Variants in DNAH17 observed in about 807,000 individuals in gnomAD.
DNAH17 encodes the protein axonemal beta dynein heavy chain 17.
A neutral mutation model predicts 485.6 loss-of-function variants in DNAH17; 376 were observed. The ratio of observed to expected loss-of-function variants is 0.77; its 90% CI spans 0.71 to 0.84. The LOEUF (loss-of-function observed/expected upper bound fraction) is 0.84. Ranked by LOEUF, DNAH17 falls within the 40% of genes least tolerant of loss-of-function variation. The pLI is 0.00. For synonymous variants in DNAH17, 3,031 were observed against 2,405.9 expected, an observed-to-expected ratio of 1.26 and a Z score of -7.60; for missense variants, 6,370 against 5,839.3, an observed-to-expected ratio of 1.09 and a Z score of -2.96.
At chr17:78,505,922 G>C (rs2090470368) in intron 30 of DNAH17, among the ~76,000 whole-genome samples, 1 of 152,068 alleles carries the variant, frequency 6.6e-6, no homozygotes, top group African/African-American at 2.4e-5. Context: ...AGGTTGTGGT[G>C]AGCCGAGATC....
chr17:78,468,014 C>A (rs2088559607), intron 55 of DNAH17, among the ~76,000 whole-genome samples: 1 of 88,942 alleles, frequency 1.1e-5, no homozygotes. Context: ...GAAACTCCAT[C>A]TCAAAAAAAA....
chr17:78,474,657 T>A (rs1268854890), intron 54 of DNAH17, among the ~76,000 whole-genome samples: 2 of 152,036 alleles, frequency 1.3e-5, no homozygotes, highest in African/African-American at 4.8e-5. Context: ...CATCGAGTAG[T>A]TGACAGACAC....
chr17:78,516,796 T>A (rs1025513195), intron 25 of DNAH17, among the ~76,000 whole-genome samples: 1 of 152,046 alleles, frequency 6.6e-6, no homozygotes, highest in Non-Finnish European at 1.5e-5. Flanking sequence ...AAGGCCTGGC[T>A]GTAATAAAGC....
intron 34 of DNAH17, 34 bp downstream of exon 34, chr17:78,501,708 C>T (rs2090297583): frequency 6.2e-7 from 1 of 1,605,880 alleles, no homozygotes; most frequent in Non-Finnish European, 8.5e-7. Flanking sequence ...TCCCCTTGCC[C>T]TTCCCCTGGC....
chr17:78,510,358 C>A, intron 27 of DNAH17, 26 bp downstream of exon 27: 2 of 1,609,606 alleles, frequency 1.2e-6, no homozygotes, highest in Non-Finnish European at 8.5e-7. Flanking sequence ...CCACGTTGCA[C>A]AGACAGCACC....
chr17:78,500,277 G>A, intron 36 of DNAH17, 28 bp downstream of exon 36: 2 of 1,590,310 alleles, frequency 1.3e-6, no homozygotes, highest in Non-Finnish European at 1.7e-6. Flanking sequence ...AAGACTCTGG[G>A]TCCCTCCTCC....
chr17:78,466,450 TTA>T (rs2088461512), intron 56 of DNAH17, among the ~76,000 whole-genome samples: 1 of 151,752 alleles, frequency 6.6e-6, no homozygotes, highest in African/African-American at 2.4e-5. Flanking sequence ...AATAAATAAA[TTA>T]AAAAAAAATA....
chr17:78,440,503 G>A (rs373371436), intron 72 of DNAH17, among the ~76,000 whole-genome samples: 6 of 151,736 alleles, frequency 4.0e-5, no homozygotes, highest in Middle Eastern at 3.4e-3. Flanking sequence ...CAAGCGATCC[G>A]CCCACCCTGG....
rs542023398 is a variant in DNAH17, at chr17:78,571,863, CCCA to C, written c.540-84_540-82del. On this transcript the variant is annotated intron_variant, in intron 3 of 80. Coordinates refer to ENST00000389840, the MANE Select transcript of DNAH17 (RefSeq NM_173628.4). The stretch of plus-strand genomic sequence containing the variant: ...CCAAGCTCTCCCATGAATCCTTCTG[CCCA>C]CCAATCCCAAACCACCAGCAGCAGC... 27 of 1,344,030 alleles carry C rather than the reference CCCA, an allele frequency of 2.0e-5. No homozygotes were observed. The South Asian group carries it at 3.6e-4, about 18-fold the overall frequency. 83.3% of individuals were successfully genotyped at this position (1,344,030 alleles called of 1,614,324 possible).
chr17:78,519,848 G>A (rs1219978424), intron 25 of DNAH17, among the ~76,000 whole-genome samples: 8 of 152,166 alleles, frequency 5.3e-5, no homozygotes, highest in East Asian at 1.9e-4. Flanking sequence ...GGTGGCTCAC[G>A]CCTGTAATCC....
At chr17:78,424,323 C>G in intron 80 of DNAH17, 170 bp from the exon 81 acceptor site, 1 of 774,274 alleles carries the variant, frequency 1.3e-6, no homozygotes, top group Non-Finnish European at 2.0e-6. Flanking sequence ...TAGGTGATGG[C>G]CTGCATGTTG....
chr17:78,551,995 A>G (rs1015808688), intron 15 of DNAH17, among the ~76,000 whole-genome samples: 1 of 152,116 alleles, frequency 6.6e-6, no homozygotes, highest in Admixed American at 6.5e-5. Flanking sequence ...AGCAGGATGA[A>G]AACTTTTCTT....
Position 78,479,598 on chromosome 17 carries a change from C to T in DNAH17, c.7787G>A (p.Gly2596Asp). The T allele has an allele frequency of 5.0e-6, 8 of 1,613,374 alleles. No homozygotes were observed. The highest frequency in any genetic ancestry group is 8.5e-7 in the Non-Finnish European group (1 of 1,179,812). The change falls in exon 50 of 81, where the codon GGC (glycine) becomes GAC (aspartate). Residue 2596 changes from glycine (G) to aspartate (D), a missense_variant. Coordinates refer to ENST00000389840, the MANE Select transcript of DNAH17 (RefSeq NM_173628.4). ...HFCVFAVSFP[G>D]QEALTTIYNT... ...GTAGATGGTGGTGAGGGCCTCCTGG[C>T]CGGGGAAGCTCACAGCAAACACGCA...
At chr17:78,426,393 G>T (rs778573610) in intron 79 of DNAH17, 64 bp downstream of exon 79, 2 of 1,490,898 alleles carry the variant, frequency 1.3e-6, no homozygotes, top group African/African-American at 1.4e-5. Context: ...GGTGTGGGGT[G>T]TGCCGAGCTC....
At position 78,446,845 on chromosome 17, in the gene DNAH17, T is replaced by C. The variant is rs143917803; in HGVS notation, c.11212-1165A>G. Reference sequence around the variant, plus strand: ...TTTTTGTAGAGACAGGGTTTCACCGTGTTGGCCAGGCTGGTCTTGAACTAC... The same window carrying C: ...TTTTTGTAGAGACAGGGTTTCACCGCGTTGGCCAGGCTGGTCTTGAACTAC... On this transcript the variant is annotated intron_variant, in intron 69 of 80. Coordinates refer to ENST00000389840, the MANE Select transcript of DNAH17 (RefSeq NM_173628.4). Among the ~76,000 whole-genome samples the C allele has an allele frequency of 6.6e-3, 1,008 of 152,240 alleles. 7 individuals are homozygous for C. The highest frequency in any genetic ancestry group is 8.0e-3 in the Non-Finnish European group (545 of 68,018).
intron 19 of DNAH17, among the ~76,000 whole-genome samples, chr17:78,535,151 G>T (rs865973821): frequency 6.6e-6 from 1 of 152,186 alleles, no homozygotes; most frequent in African/African-American, 2.4e-5. Context: ...GAGCCCAGGG[G>T]TGGAGCAGCT....
chr17:78,480,013 C>CTTTT lies in DNAH17; in HGVS notation c.7753-385_7753-382dup, dbSNP rs370344478. On this transcript the variant is annotated intron_variant, in intron 49 of 80. Coordinates refer to ENST00000389840, the MANE Select transcript of DNAH17 (RefSeq NM_173628.4). ...CTGAATTTCAGATAAACAACAAGTA[C>CTTTT]TTTTTTTTTTTTTTTTTTTTTTTTT... Among the ~76,000 whole-genome samples the CTTTT allele has an allele frequency of 1.9e-3, 134 of 70,532 alleles. 43 individuals carry two copies. Among genetic ancestry groups the CTTTT allele is most frequent in the Non-Finnish European group, 3.0e-3 (96 of 31,926 alleles). The allele number at this position is 70,532 out of a possible 152,430, so 46.3% of individuals were successfully genotyped here.
intron 51 of DNAH17, among the ~76,000 whole-genome samples, chr17:78,478,178 CATCACCATT>C (rs1342466057): frequency 3.0e-5 from 4 of 134,752 alleles, no homozygotes; most frequent in East Asian, 2.3e-4. Context: ...ACATCACCAT[CATCACCATT>C]ATCACCATCA....
chr17:78,559,351 C>T (rs1438589680), intron 13 of DNAH17, among the ~76,000 whole-genome samples: 1 of 152,236 alleles, frequency 6.6e-6, no homozygotes, highest in Non-Finnish European at 1.5e-5. Flanking sequence ...TCCCCTGTGG[C>T]CTCTGCCCCA....
Sources: gnomAD v4.1 joint callset for allele counts (sites outside exome capture counted in the v4.1 genomes callset) on GRCh38, gnomAD v4.1.1 for gene constraint, MANE v1.5 for transcripts, NCBI Gene and HGNC (gene_info 2026-07-23, HGNC 2026-07-21) for gene names.